The following FAT3 variants were observed in gnomAD, a reference collection of about 807,000 sequenced individuals.
FAT3 encodes the protein protocadherin Fat 3.
FAT3 carries 95 observed loss-of-function variants against 310.2 expected under a neutral mutation model. That is an observed-to-expected ratio of 0.31 (90% CI 0.26 to 0.36). The LOEUF (loss-of-function observed/expected upper bound fraction) is 0.36. Among genes scored for constraint, FAT3 ranks in the 10% least tolerant of loss-of-function variants. The pLI is 1.00. For missense variants in FAT3, 5,408 were observed against 5,715.6 expected, an observed-to-expected ratio of 0.95 and a Z score of 1.74; for synonymous variants, 2,314 against 2,192.9, an observed-to-expected ratio of 1.06 and a Z score of -1.54.
intron 2 of FAT3, among the ~76,000 whole-genome samples, chr11:92,466,540 C>T (rs1415376044): frequency 6.6e-6 from 1 of 151,734 alleles, no homozygotes; most frequent in East Asian, 1.9e-4. Context: ...AAAACTTTGC[C>T]TCCATTCCGC....
chr11:92,467,685 A>T (rs972628259), intron 2 of FAT3, among the ~76,000 whole-genome samples: 3 of 152,176 alleles, frequency 2.0e-5, no homozygotes, highest in African/African-American at 7.2e-5. Flanking sequence ...TATAGCACCC[A>T]GAACAAACCA....
chr11:92,403,755 G>A (rs1428109520), intron 2 of FAT3, among the ~76,000 whole-genome samples: 1 of 152,140 alleles, frequency 6.6e-6, no homozygotes, highest in African/African-American at 2.4e-5. Flanking sequence ...CAAGTATGGG[G>A]GCCGGGTGCA....
chr11:92,493,628 T>C (rs1042595256), intron 2 of FAT3, among the ~76,000 whole-genome samples: 5 of 152,078 alleles, frequency 3.3e-5, no homozygotes, highest in Admixed American at 1.3e-4. Flanking sequence ...GCACTTGTAA[T>C]ACTTACAGTG....
At chr11:92,309,263 T>C (rs1232498851) in intron 1 of FAT3, among the ~76,000 whole-genome samples, 2 of 149,610 alleles carry the variant, frequency 1.3e-5, no homozygotes, top group Admixed American at 6.7e-5. Context: ...TCATTCCATA[T>C]GTGGGTCACA....
chr11:92,326,057 G>A (rs542709063), intron 1 of FAT3, among the ~76,000 whole-genome samples: 1 of 152,268 alleles, frequency 6.6e-6, no homozygotes, highest in South Asian at 2.1e-4. Flanking sequence ...GTAATTCTTG[G>A]GTAGGCAACA....
chr11:92,496,492 G>A (rs1430259873), intron 2 of FAT3, among the ~76,000 whole-genome samples: 2 of 151,864 alleles, frequency 1.3e-5, no homozygotes, highest in Admixed American at 6.6e-5. Flanking sequence ...TCCTTCCTCC[G>A]TGGGACATTC....
At chr11:92,634,473 C>T in intron 3 of FAT3, among the ~76,000 whole-genome samples, 1 of 152,202 alleles carries the variant, frequency 6.6e-6, no homozygotes, top group Non-Finnish European at 1.5e-5. Context: ...AAGTCCTCTC[C>T]ATCTTCACTC....
At chr11:92,601,450 C>T (rs1354657505) in intron 3 of FAT3, among the ~76,000 whole-genome samples, 1 of 152,090 alleles carries the variant, frequency 6.6e-6, no homozygotes, top group Non-Finnish European at 1.5e-5. Context: ...CAAAAATTAG[C>T]TGAGTGTGGT....
intron 1 of FAT3, among the ~76,000 whole-genome samples, chr11:92,249,996 G>A (rs1865073011): frequency 6.6e-6 from 1 of 152,090 alleles, no homozygotes; most frequent in African/African-American, 2.4e-5. Context: ...AAAAATAGAT[G>A]AGGTGATACG....
chr11:92,687,784 A>G (rs1943674600), intron 3 of FAT3, among the ~76,000 whole-genome samples: 1 of 152,156 alleles, frequency 6.6e-6, no homozygotes, highest in Non-Finnish European at 1.5e-5. Flanking sequence ...GTAACGCTAT[A>G]GGCGGTAAAA....
intron 2 of FAT3, among the ~76,000 whole-genome samples, chr11:92,431,584 C>A (rs1434618763): frequency 6.6e-6 from 1 of 152,054 alleles, no homozygotes; most frequent in African/African-American, 2.4e-5. Context: ...GAAGTCCTTG[C>A]CCATGCCTAT....
intron 3 of FAT3, among the ~76,000 whole-genome samples, chr11:92,528,531 CG>C (rs1565386388): frequency 1.3e-5 from 2 of 152,160 alleles, no homozygotes; most frequent in Non-Finnish European, 2.9e-5. Context: ...GGACTACAGG[CG>C]CCTGCCACCA....
At chr11:92,425,185 T>C (rs1293328808) in intron 2 of FAT3, among the ~76,000 whole-genome samples, 3 of 152,078 alleles carry the variant, frequency 2.0e-5, no homozygotes, top group Non-Finnish European at 2.9e-5. Context: ...GAATGAAGCT[T>C]TTCTGTTTCT....
At chr11:92,524,516 T>C (rs559502611) in intron 2 of FAT3, 118 bp from the exon 3 acceptor site, 14 of 842,242 alleles carry the variant, frequency 1.7e-5, no homozygotes, top group East Asian at 2.6e-5. Context: ...CCTTATGTTA[T>C]GGATTTGGGT....
chr11:92,363,958 C>T (rs566495731), intron 2 of FAT3, among the ~76,000 whole-genome samples: 2 of 152,214 alleles, frequency 1.3e-5, no homozygotes, highest in South Asian at 2.1e-4. Flanking sequence ...TTACTCTTTT[C>T]AGCAGGTGTC....
At chr11:92,252,140 C>T (rs1865164227) in intron 1 of FAT3, among the ~76,000 whole-genome samples, 1 of 152,122 alleles carries the variant, frequency 6.6e-6, no homozygotes, top group African/African-American at 2.4e-5. Flanking sequence ...GGAATGGAAG[C>T]TGCTTGGCAT....
chr11:92,473,974 A>G (rs913366313), intron 2 of FAT3, among the ~76,000 whole-genome samples: 2 of 152,138 alleles, frequency 1.3e-5, no homozygotes, highest in Non-Finnish European at 2.9e-5. Flanking sequence ...CAGCCTTCCT[A>G]TGGAGCTGAG....
chr11:92,330,995 TGTGTGTGTGAGAGAGAGA>T (rs1422203947), intron 1 of FAT3, among the ~76,000 whole-genome samples: 33 of 122,746 alleles, frequency 2.7e-4, no homozygotes, highest in African/African-American at 1.4e-3. Context: ...TGTGTGTGTG[TGTGTGTGTGAGAGAGAGA>T]GAGAGAGAAA....
At chr11:92,397,157 G>T (rs1949887652) in intron 2 of FAT3, among the ~76,000 whole-genome samples, 1 of 152,132 alleles carries the variant, frequency 6.6e-6, no homozygotes. Context: ...ACACTAGACT[G>T]TAGTGGGGCT....
Sources: allele counts gnomAD v4.1 joint callset (sites outside exome capture counted in the v4.1 genomes callset), GRCh38; gene constraint gnomAD v4.1.1; transcripts MANE v1.5; gene names NCBI Gene and HGNC (gene_info 2026-07-23, HGNC 2026-07-21).